Variants in CEP15 observed in about 807,000 individuals in gnomAD.
CEP15 encodes centrosomal protein 15.
chr3:62,324,028 A>G, the CEP15 span: 1 of 152,066 alleles, frequency 6.6e-6, no homozygotes, highest in Admixed American at 6.6e-5. Context: ...CTTTCCTCGT[A>G]TGTTTTTAAA....
At chr3:62,323,459 T>G in the CEP15 span, among the ~76,000 whole-genome samples, 1 of 152,202 alleles carries the variant, frequency 6.6e-6, no homozygotes, top group African/African-American at 2.4e-5. Flanking sequence ...CGTGACTAAC[T>G]AGCTTAGAAA....
chr3:62,322,064 A>G, the CEP15 span: 5 of 1,599,974 alleles, frequency 3.1e-6, no homozygotes, highest in South Asian at 1.1e-5. The surrounding 1 kb of genome is among the most constrained non-coding windows in gnomAD (Gnocchi z 5.5). Context: ...GTAAGTTTCC[A>G]TGACTTGAAT....
At chr3:62,326,522 A>T in the CEP15 span, among the ~76,000 whole-genome samples, 3 of 152,170 alleles carry the variant, frequency 2.0e-5, 1 homozygote, top group African/African-American at 4.8e-5. Context: ...TCAGCATGTG[A>T]CTTTCTGTGC....
At chr3:62,336,173 C>T in the CEP15 span, 2 of 151,756 alleles carry the variant, frequency 1.3e-5, no homozygotes, top group African/African-American at 4.8e-5. This position sits in a 1 kb window ranked among gnomAD's most constrained non-coding sequence, Gnocchi z 4.4. Flanking sequence ...AATATGTGTG[C>T]ATATTTATTT....
the CEP15 span, among the ~76,000 whole-genome samples, chr3:62,332,409 T>A: frequency 6.6e-6 from 1 of 152,130 alleles, no homozygotes; most frequent in South Asian, 2.1e-4. Flanking sequence ...AATATTTTTG[T>A]GTTTCTAGTG....
the CEP15 span, chr3:62,320,422 G>A: frequency 2.8e-5 from 41 of 1,478,138 alleles, no homozygotes; most frequent in East Asian, 8.7e-4. Context: ...AGGACATGTG[G>A]TAGAAGTAAC....
chr3:62,320,612 T>G, the CEP15 span: 1 of 969,292 alleles, frequency 1.0e-6, no homozygotes, highest in Non-Finnish European at 1.6e-6. Context: ...ACTTAAAAAT[T>G]TGCAAGCATG....
the CEP15 span, chr3:62,331,345 G>C: frequency 6.2e-7 from 1 of 1,613,000 alleles, no homozygotes; most frequent in Non-Finnish European, 8.5e-7. Context: ...CAGCAGAAAA[G>C]TCACTACAGA....
At chr3:62,325,277 CATAAA>C in the CEP15 span, among the ~76,000 whole-genome samples, 1 of 151,960 alleles carries the variant, frequency 6.6e-6, no homozygotes, top group South Asian at 2.1e-4. Flanking sequence ...TAAAAACTAA[CATAAA>C]ATAAAAAAAC....
At chr3:62,322,628 C>T in the CEP15 span, 1 of 152,204 alleles carries the variant, frequency 6.6e-6, no homozygotes, top group South Asian at 2.1e-4. This position sits in a 1 kb window ranked among gnomAD's most constrained non-coding sequence, Gnocchi z 5.5. Flanking sequence ...ATATGTGTAA[C>T]ATTTTTGGCT....
chr3:62,320,466 T>C, the CEP15 span: 11 of 1,611,412 alleles, frequency 6.8e-6, no homozygotes, highest in Non-Finnish European at 9.3e-6. Flanking sequence ...ACAGCTTTGA[T>C]TAAAGATGAC....
the CEP15 span, chr3:62,333,959 G>GCAGT: frequency 2.0e-5 from 3 of 152,064 alleles, no homozygotes; most frequent in Non-Finnish European, 4.4e-5. This position sits in a 1 kb window ranked among gnomAD's most constrained non-coding sequence, Gnocchi z 4.0. Flanking sequence ...GAACTATAAA[G>GCAGT]CAGTCAATAA....
At chr3:62,330,049 A>C in the CEP15 span, among the ~76,000 whole-genome samples, 1 of 151,988 alleles carries the variant, frequency 6.6e-6, no homozygotes, top group African/African-American at 2.4e-5. Context: ...TTTTCCCCTA[A>C]ATTCATGGCT....
the CEP15 span, chr3:62,319,844 C>T: frequency 6.6e-6 from 1 of 152,272 alleles, no homozygotes; most frequent in Admixed American, 6.5e-5. Context: ...TGAGCTTGCT[C>T]GTGGTGTGAA....
chr3:62,332,996 A>G, the CEP15 span, among the ~76,000 whole-genome samples: 2 of 152,164 alleles, frequency 1.3e-5, no homozygotes. Flanking sequence ...TAAAATCACA[A>G]TAAAATTCTA....
chr3:62,327,837 TTTG>T, the CEP15 span, among the ~76,000 whole-genome samples: 1 of 152,200 alleles, frequency 6.6e-6, no homozygotes, highest in African/African-American at 2.4e-5. Flanking sequence ...GAGGTGGTAT[TTTG>T]TTTTTAATTT....
At chr3:62,334,978 T>A in the CEP15 span, 1 of 151,978 alleles carries the variant, frequency 6.6e-6, no homozygotes, top group Non-Finnish European at 1.5e-5. The surrounding 1 kb of genome is among the most constrained non-coding windows in gnomAD (Gnocchi z 4.9). Context: ...AGAAGGTGAA[T>A]GAAGCAATGT....
the CEP15 span, chr3:62,331,478 T>C: frequency 1.7e-6 from 2 of 1,178,656 alleles, no homozygotes; most frequent in Non-Finnish European, 2.5e-6. Flanking sequence ...AAACAATGGT[T>C]ATGTGTATTT....
At chr3:62,330,878 T>C in the CEP15 span, among the ~76,000 whole-genome samples, 5 of 152,198 alleles carry the variant, frequency 3.3e-5, no homozygotes, top group Non-Finnish European at 7.3e-5. Flanking sequence ...ATTTACATCA[T>C]CTGGAGAGAC....
Sources: gnomAD v4.1 joint callset for allele counts (sites outside exome capture counted in the v4.1 genomes callset) on GRCh38, gnomAD v4.1.1 for gene constraint, Gnocchi (gnomAD v3.1) non-coding constraint, MANE v1.5 for transcripts, NCBI Gene and HGNC (gene_info 2026-07-23, HGNC 2026-07-21) for gene names.